Variants in SPAG16 observed in about 807,000 individuals in gnomAD.
SPAG16 encodes the protein sperm-associated antigen 16 protein.
In SPAG16, 86 loss-of-function variants were observed where a neutral mutation model predicts 80.4. That is an observed-to-expected ratio of 1.07 (90% confidence interval 0.90 to 1.28). SPAG16 has a LOEUF of 1.28. Among genes scored for constraint, SPAG16 ranks in the 50% most tolerant of loss-of-function variants. The pLI, the probability that SPAG16 is intolerant of heterozygous loss-of-function variation, is 0.00. For missense variants in SPAG16, 870 were observed against 765.3 expected, an observed-to-expected ratio of 1.14 and a Z score of -1.61; for synonymous variants, 294 against 265.9, an observed-to-expected ratio of 1.11 and a Z score of -1.03.
At chr2:213,947,651 A>G (rs904769349) in intron 12 of SPAG16, among the ~76,000 whole-genome samples, 9 of 152,252 alleles carry the variant, frequency 5.9e-5, no homozygotes, top group Admixed American at 3.3e-4. Flanking sequence ...AATTTTTCCA[A>G]TACCATATGA....
At chr2:213,833,599 A>ATATATATTATATAT (rs2073921096) in intron 10 of SPAG16, among the ~76,000 whole-genome samples, 1 of 51,822 alleles carries the variant, frequency 1.9e-5, no homozygotes, top group African/African-American at 9.5e-5. Flanking sequence ...ATATATATAT[A>ATATATATTATATAT]AAATCTCCTT....
intron 10 of SPAG16, among the ~76,000 whole-genome samples, chr2:213,806,934 C>A (rs1448766799): frequency 6.6e-6 from 1 of 152,080 alleles, no homozygotes; most frequent in Admixed American, 6.6e-5. Flanking sequence ...CTAATTAATG[C>A]GTGTTTTCAA....
intron 15 of SPAG16, among the ~76,000 whole-genome samples, chr2:214,347,101 A>C (rs1048269857): frequency 1.3e-5 from 2 of 152,200 alleles, no homozygotes; most frequent in Non-Finnish European, 2.9e-5. Flanking sequence ...CTATTGGTAA[A>C]GGCTCAAAAG....
chr2:213,476,212 A>G (rs1156592104), intron 9 of SPAG16, among the ~76,000 whole-genome samples: 2 of 152,230 alleles, frequency 1.3e-5, no homozygotes, highest in Non-Finnish European at 2.9e-5. Flanking sequence ...GTCTTGAAAG[A>G]AAGAAAATGT....
chr2:213,586,356 A>G (rs1203171668), intron 10 of SPAG16, among the ~76,000 whole-genome samples: 1 of 152,206 alleles, frequency 6.6e-6, no homozygotes, highest in Non-Finnish European at 1.5e-5. Flanking sequence ...TCTGTTTGAT[A>G]GATAGTGCCT....
intron 15 of SPAG16, among the ~76,000 whole-genome samples, chr2:214,342,755 A>C (rs1697794067): frequency 6.6e-6 from 1 of 152,198 alleles, no homozygotes; most frequent in African/African-American, 2.4e-5. Context: ...AAAGGTTGGG[A>C]ACCACTGTTC....
chr2:213,571,856 A>C (rs1257810371), intron 10 of SPAG16, among the ~76,000 whole-genome samples: 4 of 131,958 alleles, frequency 3.0e-5, no homozygotes, highest in East Asian at 2.1e-4. Flanking sequence ...TCCATTCTCC[A>C]CATCACTTTC....
chr2:213,363,441 GTATC>G (rs1338143146), intron 7 of SPAG16, among the ~76,000 whole-genome samples: 1 of 151,932 alleles, frequency 6.6e-6, no homozygotes, highest in East Asian at 1.9e-4. Flanking sequence ...AAAAAAGTGT[GTATC>G]TGTATGTAAT....
chr2:214,288,506 T>C (rs1359921593), intron 15 of SPAG16, among the ~76,000 whole-genome samples: 1 of 152,122 alleles, frequency 6.6e-6, no homozygotes, highest in Admixed American at 6.6e-5. Flanking sequence ...ATCTCCATTC[T>C]GTCTTCTATA....
intron 12 of SPAG16, among the ~76,000 whole-genome samples, chr2:213,998,693 G>A (rs1036457698): frequency 2.0e-5 from 3 of 152,196 alleles, no homozygotes; most frequent in African/African-American, 7.2e-5. Context: ...ATGTGGGAAA[G>A]TTTGGAACTT....
intron 15 of SPAG16, among the ~76,000 whole-genome samples, chr2:214,293,949 A>G (rs1693967361): frequency 1.3e-5 from 2 of 152,218 alleles, no homozygotes; most frequent in Admixed American, 1.3e-4. Context: ...TAGTCCCACA[A>G]CAGCCCACAG....
chr2:213,959,817 A>G (rs993099598), intron 12 of SPAG16, among the ~76,000 whole-genome samples: 1 of 151,990 alleles, frequency 6.6e-6, no homozygotes, highest in Non-Finnish European at 1.5e-5. Context: ...ACGCACACAC[A>G]CCTAAACCTA....
At chr2:214,078,224 A>G (rs1193063757) in intron 13 of SPAG16, among the ~76,000 whole-genome samples, 1 of 152,102 alleles carries the variant, frequency 6.6e-6, no homozygotes, top group Non-Finnish European at 1.5e-5. Flanking sequence ...AGAGACCCCA[A>G]AAATATCTGA....
At chr2:213,697,261 A>C (rs1445459191) in intron 10 of SPAG16, among the ~76,000 whole-genome samples, 1 of 152,170 alleles carries the variant, frequency 6.6e-6, no homozygotes, top group African/African-American at 2.4e-5. Context: ...CAAAGGGAGA[A>C]GGTATGAATA....
intron 6 of SPAG16, among the ~76,000 whole-genome samples, chr2:213,346,744 T>A (rs1388466175): frequency 6.6e-6 from 1 of 152,202 alleles, no homozygotes; most frequent in East Asian, 1.9e-4. Context: ...TTGATCATGA[T>A]GGATAAGCTT....
At chr2:213,975,724 A>G (rs1271436903) in intron 12 of SPAG16, among the ~76,000 whole-genome samples, 1 of 151,984 alleles carries the variant, frequency 6.6e-6, no homozygotes, top group East Asian at 1.9e-4. Flanking sequence ...GGTGAGAAAA[A>G]CTCTGGAATG....
intron 10 of SPAG16, among the ~76,000 whole-genome samples, chr2:213,492,801 A>AAAATAT (rs1206650636): frequency 6.6e-6 from 1 of 152,108 alleles, no homozygotes; most frequent in East Asian, 1.9e-4. Context: ...CTTAACTTCA[A>AAAATAT]AAATATAGCA....
intron 10 of SPAG16, among the ~76,000 whole-genome samples, chr2:213,839,201 G>C (rs750007212): frequency 4.6e-5 from 7 of 152,054 alleles, no homozygotes; most frequent in Admixed American, 1.3e-4. Flanking sequence ...TTAAAATATT[G>C]AGCTGCTGAG....
chr2:214,136,022 A>G (rs2055034400), intron 14 of SPAG16, among the ~76,000 whole-genome samples: 1 of 152,080 alleles, frequency 6.6e-6, no homozygotes, highest in Non-Finnish European at 1.5e-5. Flanking sequence ...GCAGAAGAGG[A>G]AGGGGAGCTG....
Sources: allele counts gnomAD v4.1 joint callset (sites outside exome capture counted in the v4.1 genomes callset), GRCh38; gene constraint gnomAD v4.1.1; transcripts MANE v1.5; gene names NCBI Gene and HGNC (gene_info 2026-07-23, HGNC 2026-07-21).